Variants in ROBO2 observed in about 807,000 individuals in gnomAD.
The protein encoded by ROBO2 is roundabout guidance receptor 2, also known as roundabout homolog 2.
In ROBO2, 53 loss-of-function variants were observed where a neutral mutation model predicts 160.8. The observed-to-expected ratio is 0.33, with a 90% confidence interval of 0.26 to 0.41. ROBO2 has a LOEUF of 0.41. Ranked by LOEUF, ROBO2 falls within the 10% of genes least tolerant of loss-of-function variation. The pLI, the probability that ROBO2 is intolerant of heterozygous loss-of-function variation, is 1.00. For missense variants in ROBO2, 1,577 were observed against 1,722.4 expected, an observed-to-expected ratio of 0.92 and a Z score of 1.49; for synonymous variants, 664 against 611.7, an observed-to-expected ratio of 1.09 and a Z score of -1.26.
chr3:76,221,609 G>C (rs2107410796), intron 2 of ROBO2, among the ~76,000 whole-genome samples: 1 of 152,266 alleles, frequency 6.6e-6, no homozygotes, highest in African/African-American at 2.4e-5. Flanking sequence ...CAGAATCTTG[G>C]CCCAGCTGTG....
At chr3:76,988,141 A>G (rs2060483514) in intron 2 of ROBO2, among the ~76,000 whole-genome samples, 1 of 152,214 alleles carries the variant, frequency 6.6e-6, no homozygotes, top group Admixed American at 6.5e-5. Flanking sequence ...CCTGTTAGAA[A>G]AGTAGATTTT....
intron 2 of ROBO2, among the ~76,000 whole-genome samples, chr3:76,767,020 C>T (rs1176510524): frequency 6.6e-6 from 1 of 151,320 alleles, no homozygotes; most frequent in Admixed American, 6.6e-5. Flanking sequence ...TACATTAATA[C>T]ATAGACAAAA....
intron 2 of ROBO2, among the ~76,000 whole-genome samples, chr3:76,055,417 A>G (rs1385161325): frequency 6.6e-6 from 1 of 152,142 alleles, no homozygotes; most frequent in African/African-American, 2.4e-5. Context: ...GATGGCAGGA[A>G]ATGTACTTCT....
intron 2 of ROBO2, among the ~76,000 whole-genome samples, chr3:76,801,169 T>A (rs1054226184): frequency 6.6e-6 from 1 of 152,210 alleles, no homozygotes; most frequent in South Asian, 2.1e-4. Flanking sequence ...AAACTTTGCA[T>A]GTTCTCACTT....
At chr3:76,522,886 A>G (rs2081710243) in intron 2 of ROBO2, among the ~76,000 whole-genome samples, 1 of 151,648 alleles carries the variant, frequency 6.6e-6, no homozygotes, top group Non-Finnish European at 1.5e-5. Context: ...TTTCCATATT[A>G]GTTTATCTTA....
At chr3:77,186,815 A>G (rs2081325778) in intron 2 of ROBO2, among the ~76,000 whole-genome samples, 3 of 151,898 alleles carry the variant, frequency 2.0e-5, no homozygotes, top group Admixed American at 1.3e-4. Flanking sequence ...GTCCTGACTG[A>G]TTAGCTAATT....
chr3:76,836,009 A>G (rs115029358), intron 2 of ROBO2, among the ~76,000 whole-genome samples: 1,567 of 152,166 alleles, frequency 0.01, 29 homozygotes, highest in African/African-American at 0.035. Flanking sequence ...GATGGATTGT[A>G]AGAACAATCT....
intron 2 of ROBO2, among the ~76,000 whole-genome samples, chr3:77,432,546 C>T (rs776137696): frequency 1.6e-4 from 25 of 152,124 alleles, no homozygotes; most frequent in Non-Finnish European, 2.6e-4. Context: ...AACTCTGGTT[C>T]ACCCCCTGAT....
chr3:76,335,178 G>GTTTT (rs34963831), intron 2 of ROBO2, among the ~76,000 whole-genome samples: 792 of 77,024 alleles, frequency 0.01, no homozygotes, highest in East Asian at 0.013. Context: ...TTTCTGTTTT[G>GTTTT]TTTTTTTTTT....
chr3:76,423,228 GAGAGAGCAGATAAGGA>G (rs2076067388), intron 2 of ROBO2, among the ~76,000 whole-genome samples: 1 of 152,210 alleles, frequency 6.6e-6, no homozygotes, highest in Non-Finnish European at 1.5e-5. Flanking sequence ...GAGAACAGAA[GAGAGAGCAGATAAGGA>G]AGACACAGAA....
chr3:77,520,126 T>C (rs2090445723), intron 5 of ROBO2, among the ~76,000 whole-genome samples: 1 of 151,372 alleles, frequency 6.6e-6, no homozygotes, highest in South Asian at 2.1e-4. Flanking sequence ...ATGTCTCTAA[T>C]GTGAAGTAAA....
chr3:76,282,271 T>C (rs918141703), intron 2 of ROBO2, among the ~76,000 whole-genome samples: 1 of 151,996 alleles, frequency 6.6e-6, no homozygotes, highest in Non-Finnish European at 1.5e-5. Flanking sequence ...CCTGTACTTT[T>C]ACTCTTTAGA....
intron 2 of ROBO2, among the ~76,000 whole-genome samples, chr3:76,013,650 T>C (rs1297192941): frequency 6.6e-6 from 1 of 151,450 alleles, no homozygotes; most frequent in Admixed American, 6.6e-5. Context: ...CGGCGCCTGA[T>C]GTGTATAATC....
chr3:76,466,436 A>G (rs187172009), intron 2 of ROBO2, among the ~76,000 whole-genome samples: 8 of 152,104 alleles, frequency 5.3e-5, no homozygotes, highest in Admixed American at 5.2e-4. Flanking sequence ...TAGCAAGATC[A>G]AGCATACTAT....
intron 2 of ROBO2, among the ~76,000 whole-genome samples, chr3:76,439,512 A>G (rs1013402710): frequency 6.6e-6 from 1 of 152,170 alleles, no homozygotes; most frequent in Admixed American, 6.6e-5. Flanking sequence ...GAAGTAGAAG[A>G]TGACGATGAA....
chr3:77,501,845 A>G (rs1172425245), intron 5 of ROBO2, among the ~76,000 whole-genome samples: 1 of 152,166 alleles, frequency 6.6e-6, no homozygotes, highest in East Asian at 1.9e-4. Context: ...TATTTTAGAC[A>G]TATTTTTCAT....
intron 6 of ROBO2, among the ~76,000 whole-genome samples, chr3:77,541,308 C>T (rs2092450734): frequency 6.6e-6 from 1 of 152,104 alleles, no homozygotes; most frequent in Non-Finnish European, 1.5e-5. Flanking sequence ...TCTCAAAGCC[C>T]AACTCATGCA....
intron 2 of ROBO2, among the ~76,000 whole-genome samples, chr3:76,910,593 G>C (rs528229546): frequency 8.6e-5 from 13 of 151,622 alleles, no homozygotes; most frequent in Non-Finnish European, 1.6e-4. Context: ...GGGCGTGGTG[G>C]CATGCACCTG....
At chr3:76,493,958 A>G (rs908139848) in intron 2 of ROBO2, among the ~76,000 whole-genome samples, 25 of 152,314 alleles carry the variant, frequency 1.6e-4, no homozygotes, top group Middle Eastern at 3.4e-3. Flanking sequence ...TCTGCTTTTA[A>G]AGTACGTCCA....
Sources: gnomAD v4.1 joint callset for allele counts (sites outside exome capture counted in the v4.1 genomes callset) on GRCh38, gnomAD v4.1.1 for gene constraint, MANE v1.5 for transcripts, NCBI Gene and HGNC (gene_info 2026-07-23, HGNC 2026-07-21) for gene names.